The following RFX4 variants were observed in gnomAD, a reference collection of about 807,000 sequenced individuals.
The protein encoded by RFX4 is regulatory factor X4.
In RFX4, 10 loss-of-function variants were observed where a neutral mutation model predicts 95.0. That is an observed-to-expected ratio of 0.11 (90% CI 0.06 to 0.18). The LOEUF is 0.18. Ranked by LOEUF, RFX4 falls within the 10% of genes least tolerant of loss-of-function variation. The pLI is 1.00. For synonymous variants in RFX4, 321 were observed against 340.7 expected, an observed-to-expected ratio of 0.94 and a Z score of 0.64; for missense variants, 640 against 922.0, an observed-to-expected ratio of 0.69 and a Z score of 3.96.
chr12:106,591,906 AGCTTTGC>A (rs1250631192), intron 1 of RFX4, among the ~76,000 whole-genome samples: 3 of 152,178 alleles, frequency 2.0e-5, no homozygotes, highest in Non-Finnish European at 4.4e-5. Flanking sequence ...AAAGAACATG[AGCTTTGC>A]CATCAGACAA....
chr12:106,629,753 A>T lies in RFX4; in HGVS notation c.131-9579A>T, dbSNP rs148555456. 2.3e-4 allele frequency among the ~76,000 whole-genome samples: 35 copies of T among 152,302 alleles called. No homozygotes were observed. The East Asian group carries it at 2.5e-3, about 11-fold the overall frequency. The stretch of plus-strand genomic sequence containing the variant: ...CTCCCAAAGTGCTGAAATTACAGGC[A>T]TGAGCCACCATGCCCAGTCTTTCCA... On this transcript the variant is annotated intron_variant, in intron 2 of 17. Transcript: ENST00000392842.
At chr12:106,588,870 C>T (rs139628435) in intron 1 of RFX4, among the ~76,000 whole-genome samples, 1 of 152,316 alleles carries the variant, frequency 6.6e-6, no homozygotes, top group East Asian at 1.9e-4. Flanking sequence ...TCATTTCCAA[C>T]ATTTTAAGAC....
rs193255151 is a variant in RFX4 at position 106,652,999 on chromosome 12, T to G, written c.192-1229T>G. 2.4e-4 allele frequency among the ~76,000 whole-genome samples: 36 copies of G among 152,300 alleles called. 1 individual carries two copies. In the East Asian group the frequency reaches 6.2e-3, roughly 26 times the overall value. ...TCCCCCAAACTTGCTTCCAAATAACTTTGGGTTGTTTCCTAAAATCTAGTT... is the reference window on the plus strand; with the variant it reads ...TCCCCCAAACTTGCTTCCAAATAACGTTGGGTTGTTTCCTAAAATCTAGTT... On this transcript the variant is annotated intron_variant, in intron 3 of 17. Coordinates refer to ENST00000392842, the MANE Select transcript of RFX4 (RefSeq NM_213594.3).
intron 4 of RFX4, among the ~76,000 whole-genome samples, chr12:106,666,687 A>C (rs2041183665): frequency 6.6e-6 from 1 of 152,100 alleles, no homozygotes; most frequent in African/African-American, 2.4e-5. Flanking sequence ...GTGTCTAGTC[A>C]CCTGCAAATC....
intron 4 of RFX4, among the ~76,000 whole-genome samples, chr12:106,670,898 A>G (rs924457082): frequency 1.3e-5 from 2 of 152,214 alleles, no homozygotes; most frequent in South Asian, 4.1e-4. Flanking sequence ...ATTTGTGACA[A>G]TTAGTTCCCT....
At chr12:106,727,847 C>T (rs1333867502) in intron 13 of RFX4, among the ~76,000 whole-genome samples, 1 of 152,164 alleles carries the variant, frequency 6.6e-6, no homozygotes, top group Non-Finnish European at 1.5e-5. Context: ...TCTCGAACTC[C>T]TGACATCATG....
intron 14 of RFX4, among the ~76,000 whole-genome samples, chr12:106,732,694 C>T (rs1230849398): frequency 1.3e-5 from 2 of 151,838 alleles, no homozygotes; most frequent in South Asian, 4.2e-4. Flanking sequence ...AGCAAGACTC[C>T]ATCTCAAAAT....
chr12:106,714,256 A>T (rs1055689960), intron 10 of RFX4, among the ~76,000 whole-genome samples: 4 of 151,998 alleles, frequency 2.6e-5, no homozygotes, highest in Non-Finnish European at 5.9e-5. Flanking sequence ...GCTGAGGTTA[A>T]TCTACTTGCC....
chr12:106,656,302 TCAAGAGCCA>T (rs2040955965), intron 4 of RFX4, among the ~76,000 whole-genome samples: 1 of 152,128 alleles, frequency 6.6e-6, no homozygotes, highest in African/African-American at 2.4e-5. Flanking sequence ...TTTCAAATAC[TCAAGAGCCA>T]CATGTGACTA....
intron 1 of RFX4, among the ~76,000 whole-genome samples, chr12:106,584,672 G>A (rs570241083): frequency 6.6e-6 from 1 of 152,250 alleles, no homozygotes; most frequent in African/African-American, 2.4e-5. Flanking sequence ...TCTTTCCTCG[G>A]TCCCTGCAGA....
At chr12:106,622,130 C>T (rs2040198604) in intron 2 of RFX4, among the ~76,000 whole-genome samples, 1 of 152,042 alleles carries the variant, frequency 6.6e-6, no homozygotes, top group African/African-American at 2.4e-5. Context: ...AGTGCTAGAT[C>T]TAGAACATGG....
chr12:106,625,604 G>A (rs535075997), intron 2 of RFX4, among the ~76,000 whole-genome samples: 1 of 152,334 alleles, frequency 6.6e-6, no homozygotes, highest in African/African-American at 2.4e-5. Flanking sequence ...AGAGAGGAAA[G>A]CTCAGCAGTG....
chr12:106,735,296 G>A (rs1427419134), intron 15 of RFX4, among the ~76,000 whole-genome samples: 1 of 152,106 alleles, frequency 6.6e-6, no homozygotes. Flanking sequence ...AAAAAGGACT[G>A]ATAAACTCAG....
intron 15 of RFX4, among the ~76,000 whole-genome samples, chr12:106,735,463 C>T (rs2042692785): frequency 6.6e-6 from 1 of 152,066 alleles, no homozygotes. Context: ...AAAAAATTAC[C>T]TCTAAGCCCA....
rs538737811 is a variant in RFX4, at chr12:106,607,205, C to T, written c.44-1592C>T. Among the ~76,000 whole-genome samples, 5 of 152,286 alleles carry T rather than the reference C, an allele frequency of 3.3e-5. No homozygotes were observed. The South Asian group carries it at 1.0e-3, about 32-fold the overall frequency. On this transcript the variant is annotated intron_variant, in intron 1 of 17. Coordinates refer to ENST00000392842, the MANE Select transcript of RFX4 (RefSeq NM_213594.3). ...CCATATGCCTTCCTAAAAATCACCA[C>T]ATTATACAGAATCGGCCAACAAAGA...
rs758163602 is a variant in RFX4 at position 106,583,289 on chromosome 12, T to G, written c.-32T>G. 2 of 1,562,646 alleles carry G rather than the reference T, an allele frequency of 1.3e-6. No homozygotes were observed. The highest frequency in any genetic ancestry group is 1.2e-5 in the South Asian group (1 of 82,220). The stretch of plus-strand genomic sequence containing the variant: ...GGGGATCCCCAAACATCAGGACTTT[T>G]GGGGGGCGCCTGTGCTGTCCATGGG... On this transcript the variant is annotated 5_prime_UTR_variant, in exon 1 of 18. Coordinates refer to ENST00000392842, the MANE Select transcript of RFX4 (RefSeq NM_213594.3).
At chr12:106,750,999 A>G in intron 17 of RFX4, among the ~76,000 whole-genome samples, 1 of 151,624 alleles carries the variant, frequency 6.6e-6, no homozygotes, top group Admixed American at 6.6e-5. Context: ...GGTTAGTTAC[A>G]TACGTATACA....
intron 10 of RFX4, among the ~76,000 whole-genome samples, chr12:106,713,034 G>A (rs769153440): frequency 1.1e-4 from 17 of 152,226 alleles, no homozygotes; most frequent in Non-Finnish European, 2.4e-4. Flanking sequence ...TCCACCTTCC[G>A]CACAAAAACA....
chr12:106,592,507 C>T lies in RFX4; in HGVS notation c.43+9144C>T, dbSNP rs1018665986. On this transcript the variant is annotated intron_variant, in intron 1 of 17. Transcript: ENST00000392842. ...GAGAGATCTGTGGTGTACTCAGAGA[C>T]GACGTATGTTGCACAACCCTGATCG... is the stretch of plus-strand genomic sequence containing the variant. Among the ~76,000 whole-genome samples, 9 of 152,240 alleles carry T rather than the reference C, an allele frequency of 5.9e-5. No homozygotes were observed. In the South Asian group the frequency reaches 1.0e-3, roughly 18 times the overall value.
Sources: gnomAD v4.1 joint callset for allele counts (sites outside exome capture counted in the v4.1 genomes callset) on GRCh38, gnomAD v4.1.1 for gene constraint, MANE v1.5 for transcripts, NCBI Gene and HGNC (gene_info 2026-07-23, HGNC 2026-07-21) for gene names.